The following USP40 variants were observed in gnomAD, a reference collection of about 807,000 sequenced individuals.
USP40 encodes ubiquitin specific peptidase 40.
Under a neutral mutation model 166.2 loss-of-function variants are expected in USP40, and 143 were observed. That is an observed-to-expected ratio of 0.86 (90% CI 0.75 to 0.99). The LOEUF (loss-of-function observed/expected upper bound fraction) is 0.99. Among genes scored for constraint, USP40 ranks in the 50% least tolerant of loss-of-function variants. USP40 has a pLI of 0.00. For synonymous variants in USP40, 498 were observed against 524.0 expected (o/e 0.95, Z 0.68); for missense variants, 1,444 against 1,479.7 (o/e 0.98, Z 0.40).
In USP40 at chr2:233,565,522, G is replaced by A; in HGVS notation, c.33C>T (p.Ser11=). Residue 11 remains serine (S), a synonymous_variant, in exon 2 of 32, where the codon TCC becomes TCT. Transcript: ENST00000678225. MFGDLFEEEY[S]TVSNNQYGKG... is the part of the protein sequence containing the mutation. ...TTCCATACTGATTATTAGACACAGT[G>A]GAATACTCCTCTTCAAACAGGTCCC... 6.5e-7 allele frequency: 1 copy of A among 1,537,144 alleles called. No individual in the cohort carries two copies. The highest frequency in any genetic ancestry group is 1.2e-5 in the South Asian group (1 of 84,060).
intron 30 of USP40, among the ~76,000 whole-genome samples, chr2:233,484,652 T>C (rs2064832469): frequency 6.6e-6 from 1 of 151,974 alleles, no homozygotes; most frequent in Non-Finnish European, 1.5e-5. Flanking sequence ...CGGCTAATTT[T>C]TGTATTTTTT....
intron 7 of USP40, among the ~76,000 whole-genome samples, chr2:233,550,287 G>C (rs981127282): frequency 3.3e-5 from 5 of 152,092 alleles, no homozygotes; most frequent in South Asian, 2.1e-4. Flanking sequence ...AAAGTAAAAT[G>C]AATGTGGACT....
intron 30 of USP40, among the ~76,000 whole-genome samples, chr2:233,484,200 C>T (rs1415526717): frequency 6.6e-6 from 1 of 152,152 alleles, no homozygotes; most frequent in African/African-American, 2.4e-5. Flanking sequence ...TGGCCCTTTG[C>T]TCTAGTGTAC....
At chr2:233,530,870 T>C (rs1016591477) in intron 11 of USP40, among the ~76,000 whole-genome samples, 2 of 152,222 alleles carry the variant, frequency 1.3e-5, no homozygotes, top group African/African-American at 4.8e-5. Flanking sequence ...AGCTTGTCAT[T>C]TGCCTTTTAA....
At chr2:233,522,429 G>A (rs2067722540) in intron 16 of USP40, among the ~76,000 whole-genome samples, 1 of 152,142 alleles carries the variant, frequency 6.6e-6, no homozygotes, top group African/African-American at 2.4e-5. Flanking sequence ...AGTGTACTAC[G>A]AAAGAAACGG....
intron 31 of USP40, among the ~76,000 whole-genome samples, chr2:233,479,841 G>T (rs2064451339): frequency 6.6e-6 from 1 of 152,028 alleles, no homozygotes; most frequent in Admixed American, 6.5e-5. Context: ...AAAGGCCACG[G>T]GACAGTGCTG....
chr2:233,512,334 G>A (rs768171693), intron 19 of USP40: 1 of 299,864 alleles, frequency 3.3e-6, no homozygotes, highest in Non-Finnish European at 6.2e-6. Context: ...GATCAAACCC[G>A]TGAGTAAAAT....
chr2:233,545,447 G>A (rs1339878388), intron 8 of USP40: 1 of 152,256 alleles, frequency 6.6e-6, no homozygotes, highest in Non-Finnish European at 1.5e-5. Flanking sequence ...TGCTGTCATG[G>A]AGCCTTCTTT....
intron 31 of USP40, among the ~76,000 whole-genome samples, chr2:233,478,089 G>A (rs1473726542): frequency 6.6e-6 from 1 of 152,262 alleles, no homozygotes; most frequent in Non-Finnish European, 1.5e-5. Flanking sequence ...CGGCCCACCC[G>A]CCATCCCACT....
At chr2:233,557,998 T>C (rs574428264) in intron 4 of USP40, among the ~76,000 whole-genome samples, 135 of 76,950 alleles carry the variant, frequency 1.8e-3, no homozygotes, top group African/African-American at 6.1e-3. Flanking sequence ...TGAGACCTCA[T>C]CTCAAAAAAA....
rs1217276475 is a variant in USP40, at chr2:233,508,584, C to T, written c.2613+1465G>A. The stretch of plus-strand genomic sequence containing the variant: ...ATTTCTATGTTGTCTGAGTGTTGCT[C>T]TTTTTTGGGGCTAGCAATCTTTGAG... On this transcript the variant is annotated intron_variant, in intron 21 of 31. Transcript: ENST00000678225. 3.3e-5 allele frequency among the ~76,000 whole-genome samples: 5 copies of T among 152,056 alleles called. No homozygotes were observed. In the East Asian group the frequency reaches 9.6e-4, roughly 29 times the overall value.
At chr2:233,498,859 T>G (rs1200411691) in intron 22 of USP40, among the ~76,000 whole-genome samples, 1 of 152,226 alleles carries the variant, frequency 6.6e-6, no homozygotes, top group African/African-American at 2.4e-5. Context: ...GATTTATTTT[T>G]TTCATTCATT....
chr2:233,477,585 C>T (rs2064253556), intron 31 of USP40, 82 bp from the exon 32 acceptor site: 9 of 1,179,758 alleles, frequency 7.6e-6, no homozygotes, highest in Non-Finnish European at 8.6e-6. Context: ...CCAAAATACA[C>T]TCCAATTTTA....
At chr2:233,505,798 T>C (rs1559233961) in intron 21 of USP40, among the ~76,000 whole-genome samples, 1 of 152,144 alleles carries the variant, frequency 6.6e-6, no homozygotes, top group Admixed American at 6.5e-5. Flanking sequence ...GTTGTGAATA[T>C]TTCCAAACTC....
rs78525578 is a variant in USP40, at chr2:233,507,189, T to C, written c.2613+2860A>G. Among the ~76,000 whole-genome samples the C allele has an allele frequency of 6.3e-3, 964 of 152,254 alleles. 21 individuals carry two copies. In the East Asian group the frequency reaches 0.083, roughly 13 times the overall value. ...AAGAGAAAACATGTATTTACAAGAA[T>C]GTGGTGAAAAGGGAACATTTATGCA... is the stretch of plus-strand genomic sequence containing the variant. On this transcript the variant is annotated intron_variant, in intron 21 of 31. Transcript: ENST00000678225.
At chr2:233,536,940 C>G (rs900019921) in intron 10 of USP40, among the ~76,000 whole-genome samples, 2 of 152,098 alleles carry the variant, frequency 1.3e-5, no homozygotes, top group African/African-American at 2.4e-5. Flanking sequence ...GTCTGCAGTG[C>G]AGTGCATGAT....
rs1474714200 is a variant in USP40, at chr2:233,480,007, T to C, written c.3599+1196A>G. Reference sequence around the variant, plus strand: ...CTGATTCTACTTCTACCTCCTAGAATCCACTCACCACAAAGCAGCCAGTGA... The same window carrying C: ...CTGATTCTACTTCTACCTCCTAGAACCCACTCACCACAAAGCAGCCAGTGA... On this transcript the variant is annotated intron_variant, in intron 31 of 31. Transcript: ENST00000678225. The surrounding 1 kb of genome is among the most constrained non-coding windows in gnomAD (Gnocchi z 4.5). 6.6e-6 allele frequency among the ~76,000 whole-genome samples: 1 copy of C among 152,078 alleles called. No homozygotes were observed. Among genetic ancestry groups the C allele is most frequent in the African/African-American group, 2.4e-5 (1 of 41,416 alleles).
Position 233,480,970 on chromosome 2 carries a change from A to G in USP40, c.3599+233T>C, listed in dbSNP as rs2064541562. Among the ~76,000 whole-genome samples the G allele has an allele frequency of 6.6e-6, 1 of 152,158 alleles. No individual in the cohort carries two copies. The highest frequency in any genetic ancestry group is 2.4e-5 in the African/African-American group (1 of 41,426). On this transcript the variant is annotated intron_variant, in intron 31 of 31. Transcript: ENST00000678225. This position sits in a 1 kb window ranked among gnomAD's most constrained non-coding sequence, Gnocchi z 4.5. ...GGGGCCATGGATCTGCGGGCTCCTCATCGTGCCTCTGCAGTTCACGTGGAC... is the reference window on the plus strand; with the variant it reads ...GGGGCCATGGATCTGCGGGCTCCTCGTCGTGCCTCTGCAGTTCACGTGGAC...
In USP40 at chr2:233,486,227, A is replaced by G. The variant is rs1281955669; in HGVS notation, c.3198-250T>C. On this transcript the variant is annotated intron_variant, in intron 28 of 31. Coordinates refer to ENST00000678225, the MANE Select transcript of USP40 (RefSeq NM_001365479.2). The surrounding 1 kb of genome is among the most constrained non-coding windows in gnomAD (Gnocchi z 4.0). Reference sequence around the variant, plus strand: ...AGAGCCCCCCCAGACGTGGTAGGGAACTTCCTCAGTGCGGGAGAAAAGGAA... The same window carrying G: ...AGAGCCCCCCCAGACGTGGTAGGGAGCTTCCTCAGTGCGGGAGAAAAGGAA... 6.6e-6 allele frequency among the ~76,000 whole-genome samples: 1 copy of G among 152,152 alleles called. No individual in the cohort carries two copies. Among genetic ancestry groups the G allele is most frequent in the African/African-American group, 2.4e-5 (1 of 41,436 alleles).
Sources: gnomAD v4.1 joint callset for allele counts (sites outside exome capture counted in the v4.1 genomes callset) on GRCh38, gnomAD v4.1.1 for gene constraint, Gnocchi (gnomAD v3.1) non-coding constraint, MANE v1.5 for transcripts, NCBI Gene and HGNC (gene_info 2026-07-23, HGNC 2026-07-21) for gene names.